Variants in PAQR6 observed in about 807,000 individuals in gnomAD.
The protein encoded by PAQR6 is progestin and adipoQ receptor family member 6.
In PAQR6, 34 loss-of-function variants were observed where a neutral mutation model predicts 36.2. The ratio of observed to expected loss-of-function variants is 0.94; its 90% CI spans 0.71 to 1.25. PAQR6 has a LOEUF of 1.25. Among genes scored for constraint, PAQR6 ranks in the 50% most tolerant of loss-of-function variants. PAQR6 has a pLI of 0.00. For missense variants in PAQR6, 431 were observed against 445.7 expected, an observed-to-expected ratio of 0.97 and a Z score of 0.30; for synonymous variants, 190 against 190.7, an observed-to-expected ratio of 1.00 and a Z score of 0.03.
intron 5 of PAQR6, 134 bp downstream of exon 5, chr1:156,245,401 G>T: frequency 7.0e-7 from 1 of 1,434,606 alleles, no homozygotes; most frequent in South Asian, 1.3e-5. Context: ...TCTGTATGTG[G>T]GGATAAAGGG....
intron 1 of PAQR6, among the ~76,000 whole-genome samples, chr1:156,247,019 T>A (rs920139380): frequency 6.7e-6 from 1 of 150,154 alleles, no homozygotes; most frequent in Non-Finnish European, 1.5e-5. Context: ...AGTGGCGGGG[T>A]CCTCCCAGCC....
chr1:156,243,484 A>C lies in PAQR6; in HGVS notation c.*645T>G. The C allele has an allele frequency of 2.1e-6, 1 of 471,492 alleles. No homozygotes were observed. Among genetic ancestry groups the C allele is most frequent in the Non-Finnish European group, 3.8e-6 (1 of 265,116 alleles). 29.2% of individuals were successfully genotyped at this position (471,492 alleles called of 1,614,324 possible). A position where few individuals can be genotyped will look rare whatever the true frequency, so the allele number is the denominator to read the frequency against. Reference sequence around the variant, plus strand: ...AGAAAACGTTGAAGGTGGCTTCCCAAAGTCTAACTAGGGATACCCCCTCTA... The same window carrying C: ...AGAAAACGTTGAAGGTGGCTTCCCACAGTCTAACTAGGGATACCCCCTCTA... On this transcript the variant is annotated 3_prime_UTR_variant, in exon 8 of 8. Coordinates refer to ENST00000292291, the MANE Select transcript of PAQR6 (RefSeq NM_198406.3).
chr1:156,245,394 G>C, intron 5 of PAQR6, 141 bp downstream of exon 5: 2 of 1,392,126 alleles, frequency 1.4e-6, no homozygotes, highest in East Asian at 2.3e-5. Flanking sequence ...GACCACATCT[G>C]TATGTGGGGA....
intron 2 of PAQR6, among the ~76,000 whole-genome samples, 197 bp downstream of exon 2, chr1:156,246,484 C>T (rs1375071566): frequency 6.6e-6 from 1 of 152,058 alleles, no homozygotes; most frequent in African/African-American, 2.4e-5. Flanking sequence ...ACACAGGGCG[C>T]TCTGGGGAAG....
rs751854901 is a variant in PAQR6 at position 156,245,819 on chromosome 1, G to C, written c.348C>G (p.Tyr116Ter). 1 of 1,606,086 alleles carries C rather than the reference G, an allele frequency of 6.2e-7. No homozygotes were observed. The highest frequency in any genetic ancestry group is 1.1e-5 in the South Asian group (1 of 89,830). ...GGCTGAGCGCGCCGTAGTCGAGGAA[G>C]TAGCAGATGTGGCGCATGCGGGGCG... The part of the protein sequence containing the change: ...SMSPRMRHIC[Y>*]FLDYGALSLY... Residue 116 changes from tyrosine (Y) to a stop codon, truncating the protein, a stop_gained, in exon 4 of 8, where the codon TAC (tyrosine) becomes TAG (stop). Transcript: ENST00000292291. LOFTEE classifies it high-confidence loss of function.
At chr1:156,246,035 C>G (rs1440852847) in intron 3 of PAQR6, 48 bp from the exon 4 acceptor site, 1 of 1,591,920 alleles carries the variant, frequency 6.3e-7, no homozygotes, top group Non-Finnish European at 8.5e-7. Flanking sequence ...GCGACTGCCG[C>G]TGCAGCCCGT....
chr1:156,246,631 C>T lies in PAQR6; in HGVS notation c.51+50G>A, dbSNP rs779052639. 4 of 1,584,768 alleles carry T rather than the reference C, an allele frequency of 2.5e-6. No individual in the cohort carries two copies. In the South Asian group the frequency reaches 4.5e-5, roughly 18 times the overall value. On this transcript the variant is annotated intron_variant, in intron 2 of 7. Transcript: ENST00000292291. ...AAAGAGAAGAACGTCAGCCCCTAGT[C>T]AGTCCTCTAGGGAATGGGGGTTGGT...
rs1659733948 is a variant in PAQR6, at chr1:156,243,942, C to G, written c.*187G>C. ...CATCAAGAGCCCCCTCACGGTCCCT[C>G]TCACACTCTGCCAGTCCCCCTAGAC... is the stretch of plus-strand genomic sequence containing the variant. On this transcript the variant is annotated 3_prime_UTR_variant, in exon 8 of 8. Transcript: ENST00000292291. 1 of 1,614,080 alleles carries G rather than the reference C, an allele frequency of 6.2e-7. No homozygotes were observed. The highest frequency in any genetic ancestry group is 1.3e-5 in the African/African-American group (1 of 74,934).
intron 4 of PAQR6, 45 bp downstream of exon 4, chr1:156,245,737 C>T (rs763971319): frequency 6.4e-7 from 1 of 1,570,720 alleles, no homozygotes; most frequent in African/African-American, 1.3e-5. Flanking sequence ...CCTCGCCCCG[C>T]TCCGGGACGC....
At chr1:156,246,372 T>C in intron 2 of PAQR6, 122 bp from the exon 3 acceptor site, 1 of 926,458 alleles carries the variant, frequency 1.1e-6, no homozygotes, top group Non-Finnish European at 1.6e-6. Flanking sequence ...CAAGCCAAAC[T>C]AAATCTGATC....
At chr1:156,247,094 G>A (rs904596257) in intron 1 of PAQR6, among the ~76,000 whole-genome samples, 2 of 152,142 alleles carry the variant, frequency 1.3e-5, no homozygotes, top group African/African-American at 2.4e-5. Flanking sequence ...GAAGAATCCT[G>A]ACTCCTGGAG....
rs1659659784 is a variant in PAQR6, at chr1:156,243,632, A to G, written c.*497T>C. Reference sequence around the variant, plus strand: ...TTATGACCAGGACAGACTCATCTCTATAGGCAAATAGCTGCTGGCAAACTG... The same window carrying G: ...TTATGACCAGGACAGACTCATCTCTGTAGGCAAATAGCTGCTGGCAAACTG... On this transcript the variant is annotated 3_prime_UTR_variant, in exon 8 of 8. Transcript: ENST00000292291. 9 of 582,924 alleles carry G rather than the reference A, an allele frequency of 1.5e-5. No homozygotes were observed. In the South Asian group the frequency reaches 1.9e-4, roughly 12 times the overall value. 36.1% of individuals were successfully genotyped at this position (582,924 alleles called of 1,614,324 possible). A position where few individuals can be genotyped will look rare whatever the true frequency, so the allele number is the denominator to read the frequency against.
chr1:156,245,511 C>T (rs1359741345), intron 5 of PAQR6, 24 bp downstream of exon 5: 3 of 1,611,384 alleles, frequency 1.9e-6, no homozygotes, highest in South Asian at 2.2e-5. Context: ...TCCCCGTCCC[C>T]ACTGGAGGGG....
At chr1:156,246,649 G>C in intron 2 of PAQR6, 32 bp downstream of exon 2, 3 of 1,610,872 alleles carry the variant, frequency 1.9e-6, no homozygotes, top group Non-Finnish European at 2.5e-6. Context: ...TAGGGAATGG[G>C]GGTTGGTGGG....
At chr1:156,246,604 T>TA in intron 2 of PAQR6, 77 bp downstream of exon 2, 1 of 1,515,980 alleles carries the variant, frequency 6.6e-7, no homozygotes, top group South Asian at 1.2e-5. Flanking sequence ...CCCCAATAGC[T>TA]AAAAGAGAAG....
chr1:156,245,016 G>A, intron 6 of PAQR6, 105 bp from the exon 7 acceptor site: 9 of 1,596,460 alleles, frequency 5.6e-6, no homozygotes, highest in Non-Finnish European at 7.7e-6. Context: ...CAGCTAGGCG[G>A]GGTGCTGGAC....
Position 156,243,537 on chromosome 1 carries a change from A to G in PAQR6, c.*592T>C, listed in dbSNP as rs962802842. The G allele has an allele frequency of 3.2e-5, 15 of 473,050 alleles. No homozygotes were observed. The highest frequency in any genetic ancestry group is 1.1e-3 in the Middle Eastern group (2 of 1,816). The allele number at this position is 473,050 out of a possible 1,614,324, so 29.3% of individuals were successfully genotyped here. A position where few individuals can be genotyped will look rare whatever the true frequency, so the allele number is the denominator to read the frequency against. ...CTAGGACCCTCCTCCCCACACCTCAATCCACCAAACCATCCATAATGCACC... is the reference window on the plus strand; with the variant it reads ...CTAGGACCCTCCTCCCCACACCTCAGTCCACCAAACCATCCATAATGCACC... On this transcript the variant is annotated 3_prime_UTR_variant, in exon 8 of 8. Coordinates refer to ENST00000292291, the MANE Select transcript of PAQR6 (RefSeq NM_198406.3).
rs374772769 is a variant in PAQR6 at position 156,248,034 on chromosome 1, A to T, written c.-103T>A. ...ACGGGCGGAGTCCAAGGCTGCTGCC[A>T]GCCAGGCTGATGGAGGAAGAGTGGC... On this transcript the variant is annotated 5_prime_UTR_variant, in exon 1 of 8. Coordinates refer to ENST00000292291, the MANE Select transcript of PAQR6 (RefSeq NM_198406.3). 6 of 463,188 alleles carry T rather than the reference A, an allele frequency of 1.3e-5. No individual in the cohort carries two copies. The East Asian group carries it at 2.9e-4, about 22-fold the overall frequency. 28.7% of individuals were successfully genotyped at this position (463,188 alleles called of 1,614,324 possible).
intron 1 of PAQR6, 63 bp from the exon 2 acceptor site, chr1:156,246,819 T>C (rs530914223): frequency 1.1e-5 from 15 of 1,415,402 alleles, no homozygotes; most frequent in Middle Eastern, 2.1e-4. Flanking sequence ...CCCTTTCACC[T>C]GGGTTCAGCC....
Sources: allele counts gnomAD v4.1 joint callset (sites outside exome capture counted in the v4.1 genomes callset), GRCh38; gene constraint gnomAD v4.1.1; transcripts MANE v1.5; gene names NCBI Gene and HGNC (gene_info 2026-07-23, HGNC 2026-07-21).